Variants in INPP5D observed in about 807,000 individuals in gnomAD.
INPP5D encodes the protein phosphatidylinositol 3,4,5-trisphosphate 5-phosphatase 1.
In INPP5D, 33 loss-of-function variants were observed where a neutral mutation model predicts 122.9. The ratio of observed to expected loss-of-function variants is 0.27; its 90% CI spans 0.20 to 0.36. The LOEUF (loss-of-function observed/expected upper bound fraction) is 0.36, where lower values mean the gene tolerates loss of function less well. Ranked by LOEUF, INPP5D falls within the 10% of genes least tolerant of loss-of-function variation. INPP5D has a pLI of 1.00. For missense variants in INPP5D, 1,053 were observed against 1,412.7 expected, an observed-to-expected ratio of 0.75 and a Z score of 4.08; for synonymous variants, 584 against 576.2, an observed-to-expected ratio of 1.01 and a Z score of -0.19.
chr2:233,110,025 T>A (rs972162283), intron 2 of INPP5D, among the ~76,000 whole-genome samples: 1 of 151,662 alleles, frequency 6.6e-6, no homozygotes, highest in Non-Finnish European at 1.5e-5. Context: ...GCTGAGACTA[T>A]AGGCATGTGC....
chr2:233,170,214 C>T lies in INPP5D; in HGVS notation c.1791+50C>T. The T allele has an allele frequency of 6.3e-7, 1 of 1,592,354 alleles. No individual in the cohort carries two copies. Among genetic ancestry groups the T allele is most frequent in the Non-Finnish European group, 8.6e-7 (1 of 1,168,698 alleles). On this transcript the variant is annotated intron_variant, in intron 15 of 26. Coordinates refer to ENST00000445964, the MANE Select transcript of INPP5D (RefSeq NM_001017915.3). This position sits in a 1 kb window ranked among gnomAD's most constrained non-coding sequence, Gnocchi z 4.5. The stretch of plus-strand genomic sequence containing the variant: ...GGGCTGGGGCTGTATGAGATGGAGG[C>T]TCCCTTGAGTCAGCTTGGGGCAGGT...
At chr2:233,063,700 C>G (rs1691134698) in intron 1 of INPP5D, among the ~76,000 whole-genome samples, 1 of 152,264 alleles carries the variant, frequency 6.6e-6, no homozygotes, top group Non-Finnish European at 1.5e-5. Context: ...GACAGGGAGC[C>G]TGGGCTCCAT....
intron 6 of INPP5D, chr2:233,145,238 G>A (rs1240575020): frequency 8.8e-6 from 4 of 456,124 alleles, no homozygotes; most frequent in Middle Eastern, 3.2e-4. Flanking sequence ...CAGGTAGACA[G>A]GATACATGTC....
At chr2:233,121,166 C>G (rs1692963334) in intron 2 of INPP5D, among the ~76,000 whole-genome samples, 1 of 132,350 alleles carries the variant, frequency 7.6e-6, no homozygotes, top group African/African-American at 2.8e-5. Flanking sequence ...GGGTCTCACT[C>G]TGTCGCCCAG....
intron 17 of INPP5D, among the ~76,000 whole-genome samples, chr2:233,171,494 A>C (rs1257697268): frequency 6.6e-6 from 1 of 152,220 alleles, no homozygotes; most frequent in Non-Finnish European, 1.5e-5. Context: ...AATTAACATT[A>C]AGCAGGTTTC....
At chr2:233,190,476 C>T (rs1003600350) in intron 22 of INPP5D, among the ~76,000 whole-genome samples, 6 of 152,236 alleles carry the variant, frequency 3.9e-5, no homozygotes, top group African/African-American at 1.2e-4. Context: ...GAGCCACCCT[C>T]TGCCCGAAGA....
intron 4 of INPP5D, among the ~76,000 whole-genome samples, chr2:233,129,426 C>G (rs1480602837): frequency 6.6e-6 from 1 of 152,130 alleles, no homozygotes; most frequent in African/African-American, 2.4e-5. Context: ...CAAGCGTTAC[C>G]CAGAACAAAA....
intron 3 of INPP5D, 109 bp from the exon 4 acceptor site, chr2:233,125,636 A>G (rs1406622369): frequency 1.0e-6 from 1 of 953,376 alleles, no homozygotes; most frequent in East Asian, 2.6e-5. Context: ...GGGGACGCAG[A>G]TGGAGATCAA....
At chr2:233,099,738 A>G (rs568986999) in intron 2 of INPP5D, among the ~76,000 whole-genome samples, 2 of 152,324 alleles carry the variant, frequency 1.3e-5, no homozygotes, top group South Asian at 4.1e-4. Context: ...TCCTTGAAAA[A>G]TCTGAAGATC....
In INPP5D at chr2:233,117,203, T is replaced by C. The variant is rs528518180; in HGVS notation, c.199-4904T>C. On this transcript the variant is annotated intron_variant, in intron 2 of 26. Transcript: ENST00000445964. ...CTGCTGTGGAATGGGGAACGAAGTG[T>C]GGCAGCCTGGGCCATTAGGAACCAA... Among the ~76,000 whole-genome samples the C allele has an allele frequency of 7.8e-4, 119 of 152,298 alleles. 2 individuals are homozygous for C. The highest frequency in any genetic ancestry group is 3.4e-3 in the Middle Eastern group (1 of 294).
chr2:233,152,668 G>A (rs1380975789), intron 9 of INPP5D, among the ~76,000 whole-genome samples: 14 of 152,190 alleles, frequency 9.2e-5, no homozygotes, highest in Admixed American at 7.2e-4. Flanking sequence ...GATGCTGGCT[G>A]TGCCCAACCC....
At chr2:233,135,517 C>T (rs1693444019) in intron 5 of INPP5D, among the ~76,000 whole-genome samples, 1 of 151,780 alleles carries the variant, frequency 6.6e-6, no homozygotes, top group South Asian at 2.1e-4. Context: ...CTCTAAATGA[C>T]AAGAAAAGAT....
intron 1 of INPP5D, among the ~76,000 whole-genome samples, chr2:233,071,415 T>C (rs1252325242): frequency 6.6e-6 from 1 of 152,250 alleles, no homozygotes; most frequent in Non-Finnish European, 1.5e-5. Context: ...TTAAGTCATA[T>C]ATCTTTCTTT....
intron 2 of INPP5D, among the ~76,000 whole-genome samples, chr2:233,107,371 T>C (rs114103513): frequency 3.3e-5 from 5 of 152,270 alleles, no homozygotes; most frequent in African/African-American, 9.6e-5. Flanking sequence ...GCACAGGGAA[T>C]GTAGACCTCC....
Position 233,178,568 on chromosome 2 carries a change from C to T in INPP5D, c.2071+1222C>T, listed in dbSNP as rs561732268. 7.7e-4 allele frequency among the ~76,000 whole-genome samples: 117 copies of T among 152,124 alleles called. 2 individuals are homozygous for T. In the South Asian group the frequency reaches 0.015, roughly 19 times the overall value. ...CAAAATCTCGGCTCCCTGCAACCTC[C>T]GCCTGCCAGGTTCAAGTGACTCTCC... is the stretch of plus-strand genomic sequence containing the variant. On this transcript the variant is annotated intron_variant, in intron 18 of 26. Coordinates refer to ENST00000445964, the MANE Select transcript of INPP5D (RefSeq NM_001017915.3).
At chr2:233,142,895 A>G (rs1357812606) in intron 6 of INPP5D, among the ~76,000 whole-genome samples, 3 of 151,670 alleles carry the variant, frequency 2.0e-5, no homozygotes, top group African/African-American at 7.3e-5. Flanking sequence ...ACTCCTGTGC[A>G]CTCTAGGAGT....
At chr2:233,193,268 G>C (rs1695099627) in intron 22 of INPP5D, among the ~76,000 whole-genome samples, 1 of 152,216 alleles carries the variant, frequency 6.6e-6, no homozygotes, top group African/African-American at 2.4e-5. Flanking sequence ...TCCTTAGTTT[G>C]CATTTTTGAT....
Position 233,164,261 on chromosome 2 carries a change from A to G in INPP5D, c.1438-46A>G, listed in dbSNP as rs1420765412. On this transcript the variant is annotated intron_variant, in intron 12 of 26. Transcript: ENST00000445964. This position sits in a 1 kb window ranked among gnomAD's most constrained non-coding sequence, Gnocchi z 4.3. The stretch of plus-strand genomic sequence containing the variant: ...GGTGTGAATCACTGTGCCCTGGTTC[A>G]CACCCTACACTTGGGCCGAGTATTG... 3.3e-6 allele frequency: 5 copies of G among 1,516,806 alleles called. No homozygotes were observed. In the East Asian group the frequency reaches 1.2e-4, roughly 37 times the overall value. The allele number at this position is 1,516,806 out of a possible 1,614,324, so 94.0% of individuals were successfully genotyped here.
At chr2:233,145,286 G>A (rs769301363) in intron 6 of INPP5D, 9 of 456,122 alleles carry the variant, frequency 2.0e-5, no homozygotes, top group South Asian at 6.2e-5. Flanking sequence ...CCTCAGACAA[G>A]TTAGTTCATC....
Sources: allele counts gnomAD v4.1 joint callset (sites outside exome capture counted in the v4.1 genomes callset), GRCh38; gene constraint gnomAD v4.1.1; non-coding constraint Gnocchi (gnomAD v3.1); transcripts MANE v1.5; gene names NCBI Gene and HGNC (gene_info 2026-07-23, HGNC 2026-07-21).